ITPR2: variants seen among roughly 807,000 people sequenced by gnomAD.
The protein encoded by ITPR2 is inositol 1,4,5-trisphosphate receptor type 2.
ITPR2 carries 207 observed loss-of-function variants against 317.1 expected under a neutral mutation model. The ratio of observed to expected loss-of-function variants is 0.65; its 90% CI spans 0.58 to 0.73. The LOEUF (loss-of-function observed/expected upper bound fraction) is 0.73. Ranked by LOEUF, ITPR2 falls within the 30% of genes least tolerant of loss-of-function variation. The probability of loss-of-function intolerance (pLI) is 0.00; values close to 1 mark genes in which losing one functional copy is unlikely to be tolerated. For missense variants in ITPR2, 2,613 were observed against 3,284.0 expected (o/e 0.80, Z 4.99); for synonymous variants, 1,156 against 1,149.1 (o/e 1.01, Z -0.12).
Position 26,789,943 on chromosome 12 carries a change from G to C in ITPR2, c.163+214C>G, listed in dbSNP as rs556775986. Among the ~76,000 whole-genome samples the C allele has an allele frequency of 4.6e-5, 7 of 152,256 alleles. No individual in the cohort carries two copies. In the South Asian group the frequency reaches 1.5e-3, roughly 32 times the overall value. ...ATTTCCTTTTAACAGATAGACCATT[G>C]TCTGGCAAAACAAAAATCAAAACTA... On this transcript the variant is annotated intron_variant, in intron 2 of 56. Coordinates refer to ENST00000381340, the MANE Select transcript of ITPR2 (RefSeq NM_002223.4).
chr12:26,630,418 T>G (rs1430973244), intron 22 of ITPR2, among the ~76,000 whole-genome samples: 3 of 139,574 alleles, frequency 2.1e-5, no homozygotes, highest in African/African-American at 5.4e-5. Context: ...AGAGAGAGGC[T>G]GAGAGAGATA....
chr12:26,575,195 G>T (rs929805661), intron 34 of ITPR2, among the ~76,000 whole-genome samples: 1 of 147,048 alleles, frequency 6.8e-6, no homozygotes, highest in Non-Finnish European at 1.5e-5. Flanking sequence ...CATCCTAGAT[G>T]TAACAGTGAG....
chr12:26,532,150 G>A (rs74937692), intron 37 of ITPR2, among the ~76,000 whole-genome samples: 2,310 of 152,246 alleles, frequency 0.015, 57 homozygotes, highest in African/African-American at 0.052. Context: ...ACATACAGGT[G>A]CAAGGAATAA....
chr12:26,479,165 C>T (rs999909634), intron 43 of ITPR2, among the ~76,000 whole-genome samples: 1 of 148,824 alleles, frequency 6.7e-6, no homozygotes, highest in Non-Finnish European at 1.5e-5. Context: ...AAAAACTATA[C>T]TTTAAATATT....
chr12:26,784,028 TGCAG>T, intron 2 of ITPR2, among the ~76,000 whole-genome samples: 1 of 76,628 alleles, frequency 1.3e-5, no homozygotes. Flanking sequence ...AAGTCTGGAA[TGCAG>T]TCAAAAGGAC....
intron 34 of ITPR2, among the ~76,000 whole-genome samples, chr12:26,566,407 A>G (rs1375144362): frequency 1.5e-5 from 2 of 133,708 alleles, no homozygotes; most frequent in East Asian, 5.1e-4. Flanking sequence ...AGGAAAGGAG[A>G]AGAGAAGGAG....
At chr12:26,794,554 A>G (rs1950397473) in intron 1 of ITPR2, among the ~76,000 whole-genome samples, 1 of 152,178 alleles carries the variant, frequency 6.6e-6, no homozygotes, top group African/African-American at 2.4e-5. Context: ...CACTGAAGCT[A>G]TATTCCCCGT....
rs1951144204 is a variant in ITPR2 at position 26,833,007 on chromosome 12, G to C, written c.-226C>G. ...CGCAGCTGCGGACACCCCGCGAAGA[G>C]CGCAGCCCAGGCGCCCAGAGAAGCC... On this transcript the variant is annotated 5_prime_UTR_variant, in exon 1 of 57. Coordinates refer to ENST00000381340, the MANE Select transcript of ITPR2 (RefSeq NM_002223.4). 4.0e-6 allele frequency: 2 copies of C among 501,202 alleles called. No individual in the cohort carries two copies. Among genetic ancestry groups the C allele is most frequent in the Admixed American group, 4.5e-5 (1 of 22,156 alleles). 31.0% of individuals were successfully genotyped at this position (501,202 alleles called of 1,614,324 possible). A position where few individuals can be genotyped will look rare whatever the true frequency, so the allele number is the denominator to read the frequency against.
chr12:26,595,394 T>A, intron 32 of ITPR2, 71 bp downstream of exon 32: 2 of 1,432,696 alleles, frequency 1.4e-6, no homozygotes, highest in Non-Finnish European at 1.9e-6. Flanking sequence ...CTGCAAGTTT[T>A]CATCCAGATG....
At position 26,818,960 on chromosome 12, in the gene ITPR2, ATATACT is replaced by A. The variant is rs59432911; in HGVS notation, c.92+13724_92+13729del. Among the ~76,000 whole-genome samples, 1,497 of 152,282 alleles carry A rather than the reference ATATACT, an allele frequency of 9.8e-3. 17 individuals are homozygous for A. Among genetic ancestry groups the A allele is most frequent in the African/African-American group, 0.034 (1,414 of 41,562 alleles). On this transcript the variant is annotated intron_variant, in intron 1 of 56. Coordinates refer to ENST00000381340, the MANE Select transcript of ITPR2 (RefSeq NM_002223.4). Reference sequence around the variant, plus strand: ...TTAAGTCACTATCTTTATTGGTATGATATACTTAAACTGGATTAGTTTGGATGTTAT... The same window carrying A: ...TTAAGTCACTATCTTTATTGGTATGATAAACTGGATTAGTTTGGATGTTAT...
intron 1 of ITPR2, among the ~76,000 whole-genome samples, chr12:26,822,364 A>C (rs1415239424): frequency 6.6e-6 from 1 of 152,186 alleles, no homozygotes; most frequent in East Asian, 1.9e-4. Flanking sequence ...TGGCTTTTTT[A>C]ACATGTTAAA....
Position 26,600,012 on chromosome 12 carries a change from T to C in ITPR2, c.3776A>G (p.His1259Arg), listed in dbSNP as rs1478656349. The part of the protein sequence containing the change: ...NPQNQVLLHK[H>R]LNLFLTPGLL... The stretch of plus-strand genomic sequence containing the variant: ...ACCTGGAGTTAAAAACAAATTCAGA[T>C]GTTTATGAAGAAGAACTTGATTCTG... Residue 1259 changes from histidine (H) to arginine (R), a missense_variant, in exon 29 of 57, where the codon CAT becomes CGT. Around this residue, in one of 9 missense-constraint regions of ITPR2, gnomAD observed 817 missense variants for 897.6 expected, o/e 0.91. Transcript: ENST00000381340. 2 of 1,606,472 alleles carry C rather than the reference T, an allele frequency of 1.2e-6. No homozygotes were observed. Among genetic ancestry groups the C allele is most frequent in the Non-Finnish European group, 1.7e-6 (2 of 1,173,498 alleles).
At position 26,339,445 on chromosome 12, in the gene ITPR2, G is replaced by C; in HGVS notation, c.8058C>G (p.Phe2686Leu). The C allele has an allele frequency of 6.2e-7, 1 of 1,613,898 alleles. No individual in the cohort carries two copies. The highest frequency in any genetic ancestry group is 1.1e-5 in the South Asian group (1 of 91,074). ...TCACATGGGGTGTGTTTGATCCGAGGAAGCCCAGTCTCTGCTTATTCTTCC... is the reference window on the plus strand; with the variant it reads ...TCACATGGGGTGTGTTTGATCCGAGCAAGCCCAGTCTCTGCTTATTCTTCC... ...EQRKNKQRLGFLGSNTPHVNH... is the reference protein window; with the variant it reads ...EQRKNKQRLGLLGSNTPHVNH... The change falls in exon 57 of 57, where the codon TTC becomes TTG. Residue 2686 changes from phenylalanine (F) to leucine (L), a missense_variant. Physicochemically the swap from Phe to Leu is conservative, Grantham distance 22 (BLOSUM62 0). This residue lies in a region of ITPR2 where 119 missense variants were observed against 144.3 expected (regional missense o/e 0.82). Transcript: ENST00000381340.
intron 46 of ITPR2, 73 bp from the exon 47 acceptor site, chr12:26,439,392 T>A: frequency 1.1e-5 from 11 of 1,042,616 alleles, no homozygotes; most frequent in Non-Finnish European, 1.4e-5. Flanking sequence ...GTTTTTAACA[T>A]GAGTTTACTG....
rs1016067087 is a variant in ITPR2 at position 26,768,639 on chromosome 12, A to T, written c.163+21518T>A. Among the ~76,000 whole-genome samples the T allele has an allele frequency of 4.0e-5, 6 of 150,242 alleles. No individual in the cohort carries two copies. The East Asian group carries it at 1.2e-3, about 29-fold the overall frequency. On this transcript the variant is annotated intron_variant, in intron 2 of 56. Transcript: ENST00000381340. Reference sequence around the variant, plus strand: ...TGTTCCTCTAGCAAGCATTTCTCAAACTTTTTGGTCACAGGACCCCTTCAC... The same window carrying T: ...TGTTCCTCTAGCAAGCATTTCTCAATCTTTTTGGTCACAGGACCCCTTCAC...
intron 52 of ITPR2, among the ~76,000 whole-genome samples, chr12:26,402,050 G>A (rs988647601): frequency 6.6e-6 from 1 of 152,186 alleles, no homozygotes; most frequent in African/African-American, 2.4e-5. Flanking sequence ...AAATAGGGAA[G>A]AGGTAGGGCC....
chr12:26,594,328 T>C (rs1390246221), intron 32 of ITPR2, among the ~76,000 whole-genome samples: 1 of 151,932 alleles, frequency 6.6e-6, no homozygotes, highest in Non-Finnish European at 1.5e-5. Flanking sequence ...TGGAATAACG[T>C]ATGATTCATT....
rs80244103 is a variant in ITPR2, at chr12:26,470,361, C to T, written c.6342+4935G>A. Among the ~76,000 whole-genome samples the T allele has an allele frequency of 5.7e-4, 87 of 152,084 alleles. 1 individual carries two copies. In the East Asian group the frequency reaches 0.013, roughly 23 times the overall value. The stretch of plus-strand genomic sequence containing the variant: ...ATCTAGGTGAGTGTTTAAATGATCT[C>T]GAGGTGCTGAAAGAAAATTATTCTG... On this transcript the variant is annotated intron_variant, in intron 45 of 56. Coordinates refer to ENST00000381340, the MANE Select transcript of ITPR2 (RefSeq NM_002223.4).
intron 10 of ITPR2, among the ~76,000 whole-genome samples, chr12:26,690,078 A>G (rs1948206505): frequency 6.6e-6 from 1 of 152,224 alleles, no homozygotes; most frequent in Admixed American, 6.5e-5. Context: ...GCCTCGGAAT[A>G]TAAGGACACA....
Sources: allele counts gnomAD v4.1 joint callset (sites outside exome capture counted in the v4.1 genomes callset), GRCh38; gene constraint gnomAD v4.1.1; regional missense constraint gnomAD v4.1.1; transcripts MANE v1.5; gene names NCBI Gene and HGNC (gene_info 2026-07-23, HGNC 2026-07-21).